The following LSS variants were observed in gnomAD, a reference collection of about 807,000 sequenced individuals.
The protein encoded by LSS is lanosterol synthase, also known as 2,3-epoxysqualene-lanosterol cyclase.
LSS carries 90 observed loss-of-function variants against 110.3 expected under a neutral mutation model. The ratio of observed to expected loss-of-function variants is 0.82; its 90% CI spans 0.69 to 0.97. The LOEUF is 0.97. LSS is among the 50% of genes least tolerant of loss of function. The pLI, the probability that LSS is intolerant of heterozygous loss-of-function variation, is 0.00. For synonymous variants in LSS, 433 were observed against 400.0 expected, an observed-to-expected ratio of 1.08 and a Z score of -0.98; for missense variants, 927 against 990.0, an observed-to-expected ratio of 0.94 and a Z score of 0.85.
rs2080091794 is a variant in LSS at position 46,209,005 on chromosome 21, A to C, written c.1266+549T>G. Among the ~76,000 whole-genome samples, 1 of 152,112 alleles carries C rather than the reference A, an allele frequency of 6.6e-6. No homozygotes were observed. Among genetic ancestry groups the C allele is most frequent in the African/African-American group, 2.4e-5 (1 of 41,420 alleles). ...GGCCGTGGCCGGGACAGGGTGTGGG[A>C]GACACGGGAGGTTGGGGCGCATGTA... On this transcript the variant is annotated intron_variant, in intron 13 of 21. Transcript: ENST00000397728. The surrounding 1 kb of genome is among the most constrained non-coding windows in gnomAD (Gnocchi z 4.4).
intron 21 of LSS, 98 bp from the exon 22 acceptor site, chr21:46,191,333 GGTGA>G: frequency 7.2e-7 from 1 of 1,395,892 alleles, no homozygotes; most frequent in Non-Finnish European, 1.0e-6. Flanking sequence ...CTGGCTTGTG[GGTGA>G]GTCAGCCTGG....
chr21:46,196,465 A>G (rs762619667), intron 17 of LSS, 198 bp from the exon 18 acceptor site: 5 of 577,892 alleles, frequency 8.7e-6, no homozygotes, highest in South Asian at 2.2e-5. Flanking sequence ...GGATTGGCAG[A>G]GTCTGAGAAA....
Position 46,190,302 on chromosome 21 carries a change from C to T in LSS, c.*802G>A, listed in dbSNP as rs989984104. 6.1e-6 allele frequency: 1 copy of T among 163,594 alleles called. No individual in the cohort carries two copies. Among genetic ancestry groups the T allele is most frequent in the Admixed American group, 5.6e-5 (1 of 17,804 alleles). 10.1% of individuals were successfully genotyped at this position (163,594 alleles called of 1,614,324 possible). ...TCTGTGTCCACAAGACTACTATAAA[C>T]CCTGTAGACACCTCACAAACAGCAT... is the stretch of plus-strand genomic sequence containing the variant. On this transcript the variant is annotated 3_prime_UTR_variant, in exon 22 of 22. Coordinates refer to ENST00000397728, the MANE Select transcript of LSS (RefSeq NM_002340.6). The surrounding 1 kb of genome is among the most constrained non-coding windows in gnomAD (Gnocchi z 4.6).
At chr21:46,208,784 G>A (rs1218915988) in intron 13 of LSS, among the ~76,000 whole-genome samples, 2 of 152,350 alleles carry the variant, frequency 1.3e-5, no homozygotes, top group African/African-American at 2.4e-5. Context: ...GGAGGCAGGA[G>A]CAGGAGCAGG....
In LSS at chr21:46,191,037, C is replaced by T; in HGVS notation, c.*67G>A. 3 of 1,594,170 alleles carry T rather than the reference C, an allele frequency of 1.9e-6. No homozygotes were observed. Among genetic ancestry groups the T allele is most frequent in the Non-Finnish European group, 2.6e-6 (3 of 1,167,398 alleles). On this transcript the variant is annotated 3_prime_UTR_variant, in exon 22 of 22. Transcript: ENST00000397728. ...CAAGACAGGGTTATGGGAGGGCTCC[C>T]CAACCCGGCCAGGACCCCTTGGCCT... is the stretch of plus-strand genomic sequence containing the variant.
chr21:46,215,092 C>T, intron 9 of LSS, 88 bp downstream of exon 9: 1 of 1,107,232 alleles, frequency 9.0e-7, no homozygotes, highest in Non-Finnish European at 1.3e-6. Flanking sequence ...GGAAACCCCA[C>T]TCCCAGCTCA....
At position 46,194,579 on chromosome 21, in the gene LSS, CAA is replaced by C. The variant is rs748058367; in HGVS notation, c.1898_1899del (p.Phe633Ter). The C allele has an allele frequency of 1.2e-6, 2 of 1,613,644 alleles. No homozygotes were observed. The highest frequency in any genetic ancestry group is 1.7e-6 in the Non-Finnish European group (2 of 1,179,968). Reference protein sequence around the residue: ...QMADGGWGEDFESCEERRYLQ... With the variant: ...QMADGGWGEDXESCEERRYLQ... ...AAATAACGCCGCTCCTCGCAGGACT[CAA>C]AGTCCTCCCCCCAGCCTCCGTCTGC... On this transcript the variant is annotated frameshift_variant, in exon 20 of 22. Transcript: ENST00000397728. LOFTEE classifies it high-confidence loss of function.
intron 15 of LSS, 57 bp from the exon 16 acceptor site, chr21:46,206,825 C>G (rs2080055862): frequency 7.6e-7 from 1 of 1,317,222 alleles, no homozygotes; most frequent in Non-Finnish European, 1.1e-6. Flanking sequence ...ACACAGGCGC[C>G]CAGGGCACAG....
chr21:46,207,490 C>G lies in LSS; in HGVS notation c.1405G>C (p.Glu469Gln). The G allele has an allele frequency of 6.2e-7, 1 of 1,612,440 alleles. No homozygotes were observed. The highest frequency in any genetic ancestry group is 8.5e-7 in the Non-Finnish European group (1 of 1,179,536). Reference protein sequence around the residue: ...EALKAVLLLQEKCPHVTEHIP... With the variant: ...EALKAVLLLQQKCPHVTEHIP... ...TGCTCGGTGACATGGGGACACTTCT[C>G]CTGCAGGAGCAGCACAGCCTTCAAG... The change falls in exon 15 of 22, where the codon GAG (glutamate) becomes CAG (glutamine). Residue 469 changes from glutamate (E) to glutamine (Q), a missense_variant. Physicochemically the swap from Glu to Gln is conservative, Grantham distance 29. Transcript: ENST00000397728.
chr21:46,212,125 C>T (rs148637875), intron 11 of LSS, among the ~76,000 whole-genome samples: 113 of 152,328 alleles, frequency 7.4e-4, no homozygotes, highest in African/African-American at 2.6e-3. Flanking sequence ...TACTCACCTC[C>T]ACTTTACATG....
rs1451516020 is a variant in LSS, at chr21:46,206,055, C to T, written c.1565-114G>A. On this transcript the variant is annotated intron_variant, in intron 16 of 21. Coordinates refer to ENST00000397728, the MANE Select transcript of LSS (RefSeq NM_002340.6). ...GTTGCAGTGAGCCCGGGCCCGGACGCTGCCTCCCTGACCAACCTCCAGAGC... is the reference window on the plus strand; with the variant it reads ...GTTGCAGTGAGCCCGGGCCCGGACGTTGCCTCCCTGACCAACCTCCAGAGC... 1.5e-5 allele frequency: 11 copies of T among 757,724 alleles called. No homozygotes were observed. In the African/African-American group the frequency reaches 1.7e-4, roughly 12 times the overall value. 46.9% of individuals were successfully genotyped at this position (757,724 alleles called of 1,614,324 possible).
In LSS at chr21:46,189,680, T is replaced by C. The variant is rs1398782064; in HGVS notation, c.*1424A>G. The C allele has an allele frequency of 1.3e-5, 6 of 456,418 alleles. No homozygotes were observed. Among genetic ancestry groups the C allele is most frequent in the South Asian group, 3.1e-5 (2 of 64,568 alleles). 28.3% of individuals were successfully genotyped at this position (456,418 alleles called of 1,614,324 possible). The stretch of plus-strand genomic sequence containing the variant: ...AGGGTGTCCAGACGCAGATCTCCAC[T>C]GCCTGAGGGAGAGTGATCAGCCAGG... On this transcript the variant is annotated 3_prime_UTR_variant, in exon 22 of 22. Coordinates refer to ENST00000397728, the MANE Select transcript of LSS (RefSeq NM_002340.6).
chr21:46,192,824 GTA>G (rs1331369497), intron 20 of LSS: 1 of 445,192 alleles, frequency 2.2e-6, no homozygotes, highest in African/African-American at 2.1e-5. Context: ...CTCCATGTAC[GTA>G]TGTCTGTGTG....
chr21:46,200,111 T>C (rs1335387833), intron 17 of LSS, among the ~76,000 whole-genome samples: 7 of 149,538 alleles, frequency 4.7e-5, no homozygotes, highest in African/African-American at 1.8e-4. Context: ...GTACATAAAT[T>C]TTTTTAAAAG....
At chr21:46,205,788 G>GC (rs2080039403) in intron 17 of LSS, 48 bp downstream of exon 17, 5 of 1,459,498 alleles carry the variant, frequency 3.4e-6, no homozygotes, top group Non-Finnish European at 3.8e-6. Flanking sequence ...CTGGGTCTTG[G>GC]CCCCCGACTT....
At position 46,209,990 on chromosome 21, in the gene LSS, C is replaced by T. The variant is rs543253862; in HGVS notation, c.1195-365G>A. Among the ~76,000 whole-genome samples, 1 of 152,084 alleles carries T rather than the reference C, an allele frequency of 6.6e-6. No individual in the cohort carries two copies. The highest frequency in any genetic ancestry group is 1.5e-5 in the Non-Finnish European group (1 of 68,012). ...TTCAGAATCCCACCTACCTCATTCC[C>T]ACCGGCATAAAAATCCACTCTCGTT... is the stretch of plus-strand genomic sequence containing the variant. On this transcript the variant is annotated intron_variant, in intron 12 of 21. Transcript: ENST00000397728. The surrounding 1 kb of genome is among the most constrained non-coding windows in gnomAD (Gnocchi z 4.4).
At chr21:46,219,342 G>A (rs915468889) in intron 6 of LSS, 134 bp downstream of exon 6, 2 of 548,944 alleles carry the variant, frequency 3.6e-6, no homozygotes, top group Non-Finnish European at 6.3e-6. Flanking sequence ...CCTCTGCCAG[G>A]AGCCTAACTC....
rs2080118524 is a variant in LSS, at chr21:46,210,716, G to A, written c.1166C>T (p.Thr389Ile). The change falls in exon 12 of 22, where the codon ACC (threonine) becomes ATC (isoleucine). Residue 389 changes from threonine to isoleucine, a missense_variant. Coordinates refer to ENST00000397728, the MANE Select transcript of LSS (RefSeq NM_002340.6). ...AAGCAGAGCCTGGATGGCGAATGCG[G>A]TGTCCCAGATCTGTGAGCCGTTGGT... ...QGTNGSQIWDTAFAIQALLEA... is the reference protein window; with the variant it reads ...QGTNGSQIWDIAFAIQALLEA... The A allele has an allele frequency of 6.2e-7, 1 of 1,613,968 alleles. No individual in the cohort carries two copies. Among genetic ancestry groups the A allele is most frequent in the Non-Finnish European group, 8.5e-7 (1 of 1,180,030 alleles).
At chr21:46,194,691 C>A (rs761751590) in intron 19 of LSS, 30 bp from the exon 20 acceptor site, 2 of 1,601,682 alleles carry the variant, frequency 1.2e-6, no homozygotes, top group Non-Finnish European at 1.7e-6. Context: ...GAGACACCAT[C>A]ACACCAAGGA....
Sources: allele counts gnomAD v4.1 joint callset (sites outside exome capture counted in the v4.1 genomes callset), GRCh38; gene constraint gnomAD v4.1.1; non-coding constraint Gnocchi (gnomAD v3.1); transcripts MANE v1.5; gene names NCBI Gene and HGNC (gene_info 2026-07-23, HGNC 2026-07-21).